Variants in SLC25A26 observed in about 807,000 individuals in gnomAD.
SLC25A26 encodes the protein solute carrier family 25 member 26.
A neutral mutation model predicts 37.8 loss-of-function variants in SLC25A26; 36 were observed. That is an observed-to-expected ratio of 0.95 (90% CI 0.73 to 1.26). SLC25A26 has a LOEUF of 1.26. Among genes scored for constraint, SLC25A26 ranks in the 50% most tolerant of loss-of-function variants. SLC25A26 has a pLI of 0.00. For missense variants in SLC25A26, 390 were observed against 331.1 expected (o/e 1.18, Z -1.38); for synonymous variants, 129 against 122.5 (o/e 1.05, Z -0.35).
chr3:66,240,516 G>C (rs2072523315), intron 2 of SLC25A26, among the ~76,000 whole-genome samples: 1 of 151,996 alleles, frequency 6.6e-6, no homozygotes, highest in African/African-American at 2.4e-5. Context: ...TTGAACTCCT[G>C]AGCTTAAGCC....
intron 1 of SLC25A26, among the ~76,000 whole-genome samples, chr3:66,195,827 C>T (rs2071036610): frequency 6.6e-6 from 1 of 152,186 alleles, no homozygotes. Context: ...CTCTATTGAT[C>T]TGGGGATAAA....
chr3:66,197,667 G>A (rs1225472228), intron 1 of SLC25A26, among the ~76,000 whole-genome samples: 1 of 152,082 alleles, frequency 6.6e-6, no homozygotes, highest in East Asian at 1.9e-4. Context: ...GTAGGAATTA[G>A]GGGTCAGAGG....
intron 1 of SLC25A26, among the ~76,000 whole-genome samples, chr3:66,199,707 T>C (rs36182407): frequency 0.14 from 20,971 of 151,938 alleles, 1,786 homozygotes; most frequent in African/African-American, 0.23. Context: ...CATCATGAAA[T>C]TGAAGCTTAC....
At chr3:66,368,678 A>G (rs1415989260) in intron 7 of SLC25A26, among the ~76,000 whole-genome samples, 1 of 152,186 alleles carries the variant, frequency 6.6e-6, no homozygotes, top group Non-Finnish European at 1.5e-5. Context: ...CCATTTTGCT[A>G]TATGCAAAAC....
intron 5 of SLC25A26, among the ~76,000 whole-genome samples, chr3:66,284,753 C>A (rs1471115432): frequency 6.6e-6 from 1 of 152,174 alleles, no homozygotes; most frequent in Non-Finnish European, 1.5e-5. Flanking sequence ...GTGCTTGCCA[C>A]ATTTTCAAAT....
Position 66,313,744 on chromosome 3 carries a change from A to G in SLC25A26, c.454-32620A>G, listed in dbSNP as rs528111222. On this transcript the variant is annotated intron_variant, in intron 5 of 9. Coordinates refer to ENST00000354883, the MANE Select transcript of SLC25A26 (RefSeq NM_001379210.1). ...CATTTTTGTAATACTGATTCTTCCT[A>G]TCCATGAGCGTGGAATGTTTATCCA... 2.6e-5 allele frequency among the ~76,000 whole-genome samples: 4 copies of G among 152,286 alleles called. No homozygotes were observed. The East Asian group carries it at 7.7e-4, about 29-fold the overall frequency.
At chr3:66,153,358 T>A (rs1452027671) in intron 1 of SLC25A26, among the ~76,000 whole-genome samples, 1 of 152,220 alleles carries the variant, frequency 6.6e-6, no homozygotes, top group African/African-American at 2.4e-5. Context: ...TCGGGCATAC[T>A]GATAGGAAAA....
At chr3:66,176,928 C>A (rs1446392686) in intron 1 of SLC25A26, among the ~76,000 whole-genome samples, 1 of 152,164 alleles carries the variant, frequency 6.6e-6, no homozygotes, top group Admixed American at 6.5e-5. Flanking sequence ...CTATTTCTAA[C>A]AGATAATTAA....
At chr3:66,239,840 T>TA (rs567531124) in intron 2 of SLC25A26, among the ~76,000 whole-genome samples, 9,488 of 137,606 alleles carry the variant, frequency 0.069, 382 homozygotes, top group Middle Eastern at 0.1. Flanking sequence ...TTTTTTTTTT[T>TA]AACAGTGGAT....
chr3:66,372,861 C>CG (rs1439450405), intron 9 of SLC25A26, among the ~76,000 whole-genome samples: 1 of 152,084 alleles, frequency 6.6e-6, no homozygotes, highest in Non-Finnish European at 1.5e-5. Flanking sequence ...GTCTCCTCCC[C>CG]GGGGCGTGCA....
chr3:66,233,574 C>A (rs2106988153), intron 1 of SLC25A26, among the ~76,000 whole-genome samples: 1 of 152,268 alleles, frequency 6.6e-6, no homozygotes, highest in African/African-American at 2.4e-5. Flanking sequence ...ATATTTTTTA[C>A]ATAATTACAT....
intron 1 of SLC25A26, among the ~76,000 whole-genome samples, chr3:66,230,017 A>AT (rs1209889695): frequency 2.0e-5 from 3 of 152,208 alleles, no homozygotes; most frequent in African/African-American, 7.2e-5. Context: ...CTGACTTTTG[A>AT]TTGTCACACA....
At chr3:66,267,836 T>C (rs1166360637) in intron 5 of SLC25A26, among the ~76,000 whole-genome samples, 1 of 152,178 alleles carries the variant, frequency 6.6e-6, no homozygotes, top group Non-Finnish European at 1.5e-5. Flanking sequence ...TTTTCAGACT[T>C]GTTTTCCCTT....
At chr3:66,303,103 A>C (rs193112172) in intron 5 of SLC25A26, among the ~76,000 whole-genome samples, 2 of 152,312 alleles carry the variant, frequency 1.3e-5, no homozygotes, top group South Asian at 2.1e-4. Flanking sequence ...TGCAGAAGAC[A>C]TTATAATATA....
At chr3:66,231,482 ATTC>A (rs1461840744) in intron 1 of SLC25A26, among the ~76,000 whole-genome samples, 20 of 152,104 alleles carry the variant, frequency 1.3e-4, no homozygotes, top group Admixed American at 1.3e-3. Flanking sequence ...AAAATTAATA[ATTC>A]TTGTTATTTA....
chr3:66,170,791 G>GTTTTTTTTTTTTT lies in SLC25A26; in HGVS notation c.-354+36825_-354+36837dup, dbSNP rs36147154. On this transcript the variant is annotated intron_variant, in intron 1 of 10. Transcript: ENST00000676754. ...CAAACATTTAATAGATGTGATTATT[G>GTTTTTTTTTTTTT]TTTTTTTTTTTTTTTTTTTTTTTTT... Among the ~76,000 whole-genome samples, 3 of 50,904 alleles carry GTTTTTTTTTTTTT rather than the reference G, an allele frequency of 5.9e-5. 1 individual carries two copies. Among genetic ancestry groups the GTTTTTTTTTTTTT allele is most frequent in the African/African-American group, 1.5e-4 (2 of 13,532 alleles). The allele number at this position is 50,904 out of a possible 152,430, so 33.4% of individuals were successfully genotyped here.
intron 7 of SLC25A26, among the ~76,000 whole-genome samples, chr3:66,364,400 G>A (rs2076780273): frequency 1.3e-5 from 2 of 152,172 alleles, no homozygotes; most frequent in South Asian, 4.1e-4. Flanking sequence ...TGGGGAGTGT[G>A]GCAGCACAGC....
At chr3:66,307,829 T>C (rs944796838) in intron 5 of SLC25A26, among the ~76,000 whole-genome samples, 2 of 152,224 alleles carry the variant, frequency 1.3e-5, no homozygotes, top group Admixed American at 6.5e-5. Context: ...GTGTTATTTC[T>C]GAGGCCTCTG....
chr3:66,350,411 A>G (rs1204464701), intron 6 of SLC25A26, among the ~76,000 whole-genome samples: 3 of 152,098 alleles, frequency 2.0e-5, no homozygotes, highest in African/African-American at 4.8e-5. Context: ...CTCTTTCTCT[A>G]TATCACATTA....
Sources: allele counts gnomAD v4.1 joint callset (sites outside exome capture counted in the v4.1 genomes callset), GRCh38; gene constraint gnomAD v4.1.1; transcripts MANE v1.5; gene names NCBI Gene and HGNC (gene_info 2026-07-23, HGNC 2026-07-21).